Variants in GABRG3 observed in about 807,000 individuals in gnomAD.
The protein encoded by GABRG3 is gamma-aminobutyric acid type A receptor subunit gamma3.
Under a neutral mutation model 48.8 loss-of-function variants are expected in GABRG3, and 25 were observed. The observed-to-expected ratio is 0.51, with a 90% CI of 0.37 to 0.72. The LOEUF is 0.72. Among genes scored for constraint, GABRG3 ranks in the 30% least tolerant of loss-of-function variants. GABRG3 has a pLI of 0.00. For synonymous variants in GABRG3, 227 were observed against 217.6 expected (o/e 1.04, Z -0.38); for missense variants, 394 against 577.9 (o/e 0.68, Z 3.26).
At chr15:27,121,197 G>A (rs187251014) in intron 3 of GABRG3, among the ~76,000 whole-genome samples, 3 of 152,332 alleles carry the variant, frequency 2.0e-5, no homozygotes, top group African/African-American at 7.2e-5. Context: ...GGAATCAAAT[G>A]TCTGGTTATT....
Position 27,095,988 on chromosome 15 carries a change from G to A in GABRG3, c.270+69167G>A, listed in dbSNP as rs4503765. Among the ~76,000 whole-genome samples, 1,015 of 152,200 alleles carry A rather than the reference G, an allele frequency of 6.7e-3. 11 individuals carry two copies. Among genetic ancestry groups the A allele is most frequent in the African/African-American group, 0.023 (944 of 41,512 alleles). ...GCGGTTCAGCCCAACCTGGATTATC[G>A]CATCTCATCAACAGCCACCATATGG... On this transcript the variant is annotated intron_variant, in intron 3 of 9. Transcript: ENST00000615808.
chr15:27,101,529 T>A (rs1247144844), intron 3 of GABRG3, among the ~76,000 whole-genome samples: 1 of 152,182 alleles, frequency 6.6e-6, no homozygotes, highest in Non-Finnish European at 1.5e-5. Flanking sequence ...GTCTGCCTGA[T>A]TTCAAGCTAT....
chr15:27,062,541 G>T (rs1352159548), intron 3 of GABRG3, among the ~76,000 whole-genome samples: 2 of 151,728 alleles, frequency 1.3e-5, no homozygotes, highest in Admixed American at 6.6e-5. Flanking sequence ...CTGGGAGGCA[G>T]AGGTTGCAGT....
intron 7 of GABRG3, among the ~76,000 whole-genome samples, chr15:27,523,156 A>G (rs1388450218): frequency 6.6e-6 from 1 of 151,916 alleles, no homozygotes; most frequent in East Asian, 1.9e-4. Flanking sequence ...ATATTAGATT[A>G]GATAAAGATT....
rs187065664 is a variant in GABRG3, at chr15:27,389,787, G to A, written c.574+60899G>A. 2.1e-3 allele frequency among the ~76,000 whole-genome samples: 314 copies of A among 152,236 alleles called. 3 individuals carry two copies. The highest frequency in any genetic ancestry group is 1.6e-3 in the African/African-American group (65 of 41,532). On this transcript the variant is annotated intron_variant, in intron 5 of 9. Transcript: ENST00000615808. The stretch of plus-strand genomic sequence containing the variant: ...ACCAACCAAGTATTTGCTTTTCATC[G>A]CTTCCTTTAACAAATGTAAAAAAGT...
intron 3 of GABRG3, among the ~76,000 whole-genome samples, chr15:27,193,129 G>T (rs1035281139): frequency 2.0e-5 from 3 of 152,100 alleles, no homozygotes; most frequent in Non-Finnish European, 2.9e-5. Context: ...TGCCCCTACT[G>T]GGGGGTGCCT....
At chr15:27,387,529 T>A (rs1407681603) in intron 5 of GABRG3, among the ~76,000 whole-genome samples, 2 of 152,066 alleles carry the variant, frequency 1.3e-5, no homozygotes, top group Non-Finnish European at 2.9e-5. Flanking sequence ...CTCCAAGCTT[T>A]TTTTCTGTTA....
At chr15:27,293,567 T>C (rs1891870768) in intron 3 of GABRG3, among the ~76,000 whole-genome samples, 1 of 151,958 alleles carries the variant, frequency 6.6e-6, no homozygotes, top group African/African-American at 2.4e-5. Flanking sequence ...TCCCAGCTAC[T>C]TGGGAGGCTG....
chr15:27,327,977 C>T (rs1415426769), intron 4 of GABRG3, among the ~76,000 whole-genome samples: 1 of 152,068 alleles, frequency 6.6e-6, no homozygotes. Flanking sequence ...AAATCTGATT[C>T]CTCACATTAA....
intron 3 of GABRG3, among the ~76,000 whole-genome samples, chr15:27,174,584 G>GTCTCTCTCTCGTC (rs1221915162): frequency 2.1e-5 from 3 of 139,658 alleles, no homozygotes; most frequent in African/African-American, 8.2e-5. Flanking sequence ...TCTCTCTCTC[G>GTCTCTCTCTCGTC]TCTCTCTCTC....
At chr15:27,083,086 A>G (rs529382104) in intron 3 of GABRG3, among the ~76,000 whole-genome samples, 6 of 152,384 alleles carry the variant, frequency 3.9e-5, no homozygotes, top group African/African-American at 1.4e-4. Context: ...CCTAAACTAT[A>G]TAAAATACAT....
chr15:27,523,135 AT>A (rs755173948), intron 7 of GABRG3, among the ~76,000 whole-genome samples: 4 of 151,856 alleles, frequency 2.6e-5, no homozygotes, highest in Non-Finnish European at 5.9e-5. Flanking sequence ...TTCTAGAAAA[AT>A]GTTAGGATTA....
intron 5 of GABRG3, among the ~76,000 whole-genome samples, chr15:27,448,128 T>TA (rs1555383124): frequency 0.011 from 1,720 of 152,002 alleles, 30 homozygotes; most frequent in African/African-American, 0.039. Flanking sequence ...ACGTTTTTTT[T>TA]AAAAAAAGGA....
At chr15:26,981,971 A>G (rs563201251) in intron 2 of GABRG3, among the ~76,000 whole-genome samples, 19 of 152,198 alleles carry the variant, frequency 1.2e-4, no homozygotes, top group Non-Finnish European at 2.1e-4. Context: ...GAGAAATCAT[A>G]TCACCCTTCA....
chr15:26,989,242 A>G (rs1895204205), intron 2 of GABRG3, among the ~76,000 whole-genome samples: 1 of 152,020 alleles, frequency 6.6e-6, no homozygotes, highest in South Asian at 2.1e-4. Context: ...TACTTCTTTC[A>G]TCTTATTCTT....
chr15:27,169,600 A>G (rs571173955), intron 3 of GABRG3, among the ~76,000 whole-genome samples: 1 of 152,258 alleles, frequency 6.6e-6, no homozygotes, highest in South Asian at 2.1e-4. Context: ...ACACAAGAGG[A>G]GCTGCAGTCG....
intron 3 of GABRG3, among the ~76,000 whole-genome samples, chr15:27,212,587 G>A (rs554572862): frequency 3.3e-5 from 5 of 152,228 alleles, no homozygotes; most frequent in South Asian, 4.1e-4. Flanking sequence ...CACATCCACC[G>A]TACCATCTTA....
At chr15:27,454,909 C>A (rs1378367879) in intron 5 of GABRG3, among the ~76,000 whole-genome samples, 1 of 152,152 alleles carries the variant, frequency 6.6e-6, no homozygotes, top group Non-Finnish European at 1.5e-5. Context: ...CTTGTATGAA[C>A]CACAATGCCT....
intron 2 of GABRG3, among the ~76,000 whole-genome samples, chr15:27,016,684 T>C (rs936276563): frequency 4.6e-5 from 7 of 152,206 alleles, no homozygotes; most frequent in Non-Finnish European, 8.8e-5. Flanking sequence ...TTTCTTCAAA[T>C]AGTCTCTTTC....
Sources: gnomAD v4.1 joint callset for allele counts (sites outside exome capture counted in the v4.1 genomes callset) on GRCh38, gnomAD v4.1.1 for gene constraint, MANE v1.5 for transcripts, NCBI Gene and HGNC (gene_info 2026-07-23, HGNC 2026-07-21) for gene names.